The following MAK variants were observed in gnomAD, a reference collection of about 807,000 sequenced individuals.
MAK encodes serine/threonine-protein kinase MAK.
In MAK, 65 loss-of-function variants were observed where a neutral mutation model predicts 82.6. The ratio of observed to expected loss-of-function variants is 0.79; its 90% confidence interval spans 0.64 to 0.97. MAK has a LOEUF of 0.97. Ranked by LOEUF, MAK falls within the 50% of genes least tolerant of loss-of-function variation. MAK has a pLI of 0.00. For missense variants in MAK, 703 were observed against 780.2 expected (o/e 0.90, Z 1.18); for synonymous variants, 250 against 274.2 (o/e 0.91, Z 0.87).
rs1038136803 is a variant in MAK at position 10,762,923 on chromosome 6, T to A, written c.*1529A>T. 3 of 152,636 alleles carry A rather than the reference T, an allele frequency of 2.0e-5. No individual in the cohort carries two copies. Among genetic ancestry groups the A allele is most frequent in the African/African-American group, 7.2e-5 (3 of 41,450 alleles). 9.5% of individuals were successfully genotyped at this position (152,636 alleles called of 1,614,324 possible). A position where few individuals can be genotyped will look rare whatever the true frequency, so the allele number is the denominator to read the frequency against. ...CTTCTATACAAAAATATCATTATTA[T>A]TTTATAATATGCCTTTGTATAATGC... On this transcript the variant is annotated 3_prime_UTR_variant, in exon 15 of 15. Coordinates refer to ENST00000354489, the MANE Select transcript of MAK (RefSeq NM_001242957.3).
intron 14 of MAK, among the ~76,000 whole-genome samples, chr6:10,768,337 G>T (rs1049218071): frequency 6.6e-6 from 1 of 152,144 alleles, no homozygotes; most frequent in Non-Finnish European, 1.5e-5. Flanking sequence ...AGCACTTGTG[G>T]GAGGCTGAGG....
chr6:10,817,936 T>G lies in MAK; in HGVS notation c.192A>C (p.Lys64Asn). The G allele has an allele frequency of 1.4e-6, 2 of 1,418,502 alleles. No homozygotes were observed. Among genetic ancestry groups the G allele is most frequent in the Non-Finnish European group, 2.0e-6 (2 of 1,020,892 alleles). The allele number at this position is 1,418,502 out of a possible 1,614,324, so 87.9% of individuals were successfully genotyped here. ...CATTTTCTCTGATAACTTCTTTCAA[T>G]TTAATAACATTGGCATGATTAAGTT... ...LKKLNHANVI[K>N]LKEVIRENDH... The change falls in exon 4 of 15, where the codon AAA becomes AAC. Residue 64 changes from lysine to asparagine, a missense_variant. Lys to Asn is a moderately conservative substitution (Grantham distance 94). Coordinates refer to ENST00000354489, the MANE Select transcript of MAK (RefSeq NM_001242957.3).
chr6:10,775,601 T>A, intron 11 of MAK, 142 bp from the exon 12 acceptor site: 2 of 931,900 alleles, frequency 2.1e-6, no homozygotes, highest in Non-Finnish European at 3.4e-6. Flanking sequence ...TAGCAGATAC[T>A]TGCTTTCTGA....
chr6:10,798,000 T>G (rs1775695715), intron 8 of MAK: 1 of 1,037,088 alleles, frequency 9.6e-7, no homozygotes, highest in Non-Finnish European at 1.2e-6. Context: ...CTGAATTAAG[T>G]CACATTAAGT....
chr6:10,819,498 G>A (rs900924651), intron 2 of MAK, among the ~76,000 whole-genome samples: 1 of 152,138 alleles, frequency 6.6e-6, no homozygotes, highest in African/African-American at 2.4e-5. Context: ...TGGGCGTGGT[G>A]GCAGGCGCCT....
intron 10 of MAK, among the ~76,000 whole-genome samples, chr6:10,786,202 A>G (rs574431668): frequency 6.6e-6 from 1 of 152,302 alleles, no homozygotes; most frequent in South Asian, 2.1e-4. Context: ...CCAAGATCGC[A>G]CCACTGCACT....
At chr6:10,818,024 T>G in intron 3 of MAK, 53 bp from the exon 4 acceptor site, 1 of 1,157,112 alleles carries the variant, frequency 8.6e-7, no homozygotes, top group Non-Finnish European at 1.2e-6. Flanking sequence ...TTACAGAATT[T>G]GGCAAAATTG....
chr6:10,783,878 G>T (rs1438914256), intron 11 of MAK, among the ~76,000 whole-genome samples: 1 of 152,234 alleles, frequency 6.6e-6, no homozygotes, highest in Non-Finnish European at 1.5e-5. Flanking sequence ...AATTAGCCAG[G>T]CGTGGTGGCT....
intron 11 of MAK, among the ~76,000 whole-genome samples, chr6:10,777,574 T>TTTAAGG (rs1554166165): frequency 3.7e-4 from 56 of 151,478 alleles, no homozygotes; most frequent in Admixed American, 2.6e-3. Context: ...GGCTTTTTTT[T>TTTAAGG]TAAGTATTTT....
At chr6:10,815,701 A>G (rs1414130306) in intron 4 of MAK, among the ~76,000 whole-genome samples, 3 of 151,048 alleles carry the variant, frequency 2.0e-5, no homozygotes, top group East Asian at 1.9e-4. Context: ...GGCTCAAGCA[A>G]TCCTCCCGCC....
chr6:10,798,799 ATTATTTATTTATTTATTTATTTAT>A (rs59455975), intron 8 of MAK, among the ~76,000 whole-genome samples: 25 of 145,014 alleles, frequency 1.7e-4, no homozygotes, highest in African/African-American at 5.9e-4. Flanking sequence ...GTTTAGAAAC[ATTATTTATTTATTTATTTATTTAT>A]TTATTTATTT....
chr6:10,815,928 ATATATATATATATATAT>A (rs1777454934), intron 4 of MAK, among the ~76,000 whole-genome samples: 3 of 126,864 alleles, frequency 2.4e-5, no homozygotes, highest in African/African-American at 1.1e-4. Flanking sequence ...ATATATATAT[ATATATATATATATATAT>A]ATGTATGTTT....
rs1056188942 is a variant in MAK, at chr6:10,810,896, A to G, written c.359-1954T>C. 3.3e-5 allele frequency among the ~76,000 whole-genome samples: 5 copies of G among 152,340 alleles called. No homozygotes were observed. In the South Asian group the frequency reaches 1.0e-3, roughly 32 times the overall value. On this transcript the variant is annotated intron_variant, in intron 5 of 14. Transcript: ENST00000354489. ...AGTCTTAGAGAACTAAACCAATTAC[A>G]TATTTGTACAGCTGAGGTTTTCCCC...
At chr6:10,795,868 A>T in intron 9 of MAK, 130 bp downstream of exon 9, 1 of 940,236 alleles carries the variant, frequency 1.1e-6, no homozygotes. Context: ...AGCTCCAACC[A>T]GAGGACTCAG....
In MAK at chr6:10,776,261, TTTA is replaced by T. The variant is rs1430209279; in HGVS notation, c.1466-805_1466-803del. On this transcript the variant is annotated intron_variant, in intron 11 of 14. Coordinates refer to ENST00000354489, the MANE Select transcript of MAK (RefSeq NM_001242957.3). The surrounding 1 kb of genome is among the most constrained non-coding windows in gnomAD (Gnocchi z 4.3). ...ATGAGATACAGTAAAATGGAAACAGTTTATCCCCTGTGCGCCAGAAAGAAGTCA... is the reference window on the plus strand; with the variant it reads ...ATGAGATACAGTAAAATGGAAACAGTTCCCCTGTGCGCCAGAAAGAAGTCA... Among the ~76,000 whole-genome samples the T allele has an allele frequency of 1.1e-4, 16 of 152,164 alleles. No homozygotes were observed. Among genetic ancestry groups the T allele is most frequent in the Non-Finnish European group, 2.2e-4 (15 of 68,040 alleles).
At chr6:10,782,661 C>T (rs1288394953) in intron 11 of MAK, among the ~76,000 whole-genome samples, 1 of 150,844 alleles carries the variant, frequency 6.6e-6, no homozygotes, top group Non-Finnish European at 1.5e-5. Context: ...TCACTGCAAC[C>T]TCCACCTCCT....
chr6:10,779,389 T>G, intron 11 of MAK: 11 of 985,338 alleles, frequency 1.1e-5, no homozygotes, highest in Non-Finnish European at 1.3e-5. Context: ...TTGCTCCAAG[T>G]ACACAGCCGG....
At chr6:10,779,128 A>C (rs1196385735) in intron 11 of MAK, among the ~76,000 whole-genome samples, 1 of 108,378 alleles carries the variant, frequency 9.2e-6, no homozygotes, top group Non-Finnish European at 1.7e-5. Context: ...ACTTCGTCTC[A>C]AAAAAAAAAA....
At chr6:10,836,994 T>A (rs1779187469) in intron 1 of MAK, among the ~76,000 whole-genome samples, 2 of 152,206 alleles carry the variant, frequency 1.3e-5, no homozygotes, top group Admixed American at 1.3e-4. Flanking sequence ...AAATATAGCC[T>A]TTACTCTCAA....
Sources: gnomAD v4.1 joint callset for allele counts (sites outside exome capture counted in the v4.1 genomes callset) on GRCh38, gnomAD v4.1.1 for gene constraint, Gnocchi (gnomAD v3.1) non-coding constraint, MANE v1.5 for transcripts, NCBI Gene and HGNC (gene_info 2026-07-23, HGNC 2026-07-21) for gene names.